ASCC3: variants seen among roughly 807,000 people sequenced by gnomAD.
ASCC3 encodes ASC-1 complex subunit P200.
ASCC3 carries 158 observed loss-of-function variants against 256.3 expected under a neutral mutation model. The observed-to-expected ratio is 0.62, with a 90% CI of 0.54 to 0.70. The LOEUF (loss-of-function observed/expected upper bound fraction) is 0.70, where lower values mean the gene tolerates loss of function less well. Among genes scored for constraint, ASCC3 ranks in the 30% least tolerant of loss-of-function variants. The pLI, the probability that ASCC3 is intolerant of heterozygous loss-of-function variation, is 0.00. For synonymous variants in ASCC3, 948 were observed against 883.4 expected, an observed-to-expected ratio of 1.07 and a Z score of -1.30; for missense variants, 2,259 against 2,626.0, an observed-to-expected ratio of 0.86 and a Z score of 3.05.
chr6:100,586,209 G>A (rs1335826000), intron 36 of ASCC3, among the ~76,000 whole-genome samples: 3 of 152,204 alleles, frequency 2.0e-5, no homozygotes, highest in Non-Finnish European at 2.9e-5. Context: ...AGGCAGGCAG[G>A]CCTCCTTGAG....
chr6:100,530,500 C>T, intron 37 of ASCC3: 3 of 789,302 alleles, frequency 3.8e-6, no homozygotes, highest in African/African-American at 3.4e-5. Flanking sequence ...GACAAAGATC[C>T]TCAAAATGAG....
At chr6:100,723,349 T>G (rs1405713185) in intron 11 of ASCC3, among the ~76,000 whole-genome samples, 1 of 151,744 alleles carries the variant, frequency 6.6e-6, no homozygotes, top group African/African-American at 2.4e-5. Context: ...TGCATCCAAA[T>G]GTGACATAGG....
intron 30 of ASCC3, among the ~76,000 whole-genome samples, chr6:100,608,146 C>CATATATATGTATATATAGATA (rs1311691741): frequency 2.4e-5 from 1 of 41,092 alleles, no homozygotes; most frequent in African/African-American, 6.9e-5. Flanking sequence ...GTATATATAT[C>CATATATATGTATATATAGATA]TATATATACA....
rs957110311 is a variant in ASCC3 at position 100,512,798 on chromosome 6, G to A, written c.6196C>T (p.Arg2066Ter). 4 of 1,614,090 alleles carry A rather than the reference G, an allele frequency of 2.5e-6. No individual in the cohort carries two copies. Among genetic ancestry groups the A allele is most frequent in the East Asian group, 2.2e-5 (1 of 44,878 alleles). Residue 2066 changes from arginine (R) to a stop codon, truncating the protein, a stop_gained, in exon 40 of 42, where the codon CGA (arginine) becomes TGA (stop). Transcript: ENST00000369162. LOFTEE classifies it high-confidence loss of function. ...LSVSTLTADK[R>*]DDNKWIKLHA... ...AATTTGATCCATTTGTTGTCATCTC[G>A]TTTGTCTGCAGTCAGAGTTGAGACA... is the stretch of plus-strand genomic sequence containing the variant.
intron 8 of ASCC3, among the ~76,000 whole-genome samples, chr6:100,783,834 C>A (rs1250536213): frequency 6.6e-6 from 1 of 151,510 alleles, no homozygotes; most frequent in Non-Finnish European, 1.5e-5. Flanking sequence ...ATTTAGCAAC[C>A]ATTTTTACTG....
chr6:100,663,909 G>A (rs1212928535), intron 14 of ASCC3, among the ~76,000 whole-genome samples: 2 of 152,036 alleles, frequency 1.3e-5, no homozygotes, highest in Non-Finnish European at 2.9e-5. Flanking sequence ...TTCATATCTT[G>A]GAAATATACC....
intron 10 of ASCC3, among the ~76,000 whole-genome samples, chr6:100,743,897 A>T (rs1342625615): frequency 2.6e-5 from 4 of 152,312 alleles, no homozygotes; most frequent in Non-Finnish European, 5.9e-5. Context: ...TGCCTGACAG[A>T]TAGGGATCAA....
intron 34 of ASCC3, among the ~76,000 whole-genome samples, chr6:100,592,203 C>T (rs1159612605): frequency 6.6e-6 from 1 of 150,860 alleles, no homozygotes; most frequent in Non-Finnish European, 1.5e-5. Context: ...TATGATGACA[C>T]CACTAAAATA....
intron 36 of ASCC3, among the ~76,000 whole-genome samples, chr6:100,548,549 T>C (rs1033181647): frequency 2.0e-5 from 3 of 151,912 alleles, no homozygotes; most frequent in Non-Finnish European, 4.4e-5. Context: ...CTTGGCACAG[T>C]CAAGCTCCCT....
chr6:100,846,633 C>T (rs1772398429), intron 4 of ASCC3, among the ~76,000 whole-genome samples: 1 of 152,158 alleles, frequency 6.6e-6, no homozygotes, highest in Non-Finnish European at 1.5e-5. Flanking sequence ...ATCTTGCATG[C>T]TTGCTGTACA....
chr6:100,608,225 T>TTATACTTTATA (rs1773087703), intron 30 of ASCC3, among the ~76,000 whole-genome samples: 2 of 24,118 alleles, frequency 8.3e-5, no homozygotes, highest in African/African-American at 4.0e-4. Context: ...TATATATACT[T>TTATACTTTATA]TATATACTTT....
intron 25 of ASCC3, among the ~76,000 whole-genome samples, chr6:100,634,800 T>C (rs751604598): frequency 6.7e-5 from 10 of 149,010 alleles, no homozygotes; most frequent in Non-Finnish European, 1.3e-4. Flanking sequence ...GCAGGAGGAT[T>C]GCTTGAGCCC....
At chr6:100,636,900 C>T (rs1027112981) in intron 25 of ASCC3, among the ~76,000 whole-genome samples, 6 of 152,120 alleles carry the variant, frequency 3.9e-5, no homozygotes, top group African/African-American at 1.4e-4. Context: ...AAGTTTGAAG[C>T]TTGTTTCACA....
chr6:100,795,590 C>T (rs192191916), intron 8 of ASCC3, among the ~76,000 whole-genome samples: 1 of 152,084 alleles, frequency 6.6e-6, no homozygotes. Context: ...TCAAGAGATG[C>T]ATCTACATTT....
rs1562297097 is a variant in ASCC3, at chr6:100,788,440, A to G, written c.1395+10273T>C. Among the ~76,000 whole-genome samples, 3 of 152,184 alleles carry G rather than the reference A, an allele frequency of 2.0e-5. No homozygotes were observed. In the East Asian group the frequency reaches 5.8e-4, roughly 29 times the overall value. ...TTACAAAGATAAGTACATATTTACT[A>G]TATAATGTAGCAATTCCATTCCTAT... On this transcript the variant is annotated intron_variant, in intron 8 of 41. Transcript: ENST00000369162.
chr6:100,632,951 T>C (rs915734027), intron 25 of ASCC3, among the ~76,000 whole-genome samples: 11 of 151,752 alleles, frequency 7.2e-5, no homozygotes, highest in Non-Finnish European at 1.2e-4. Flanking sequence ...AATAAACAAA[T>C]AGGTGTACAA....
intron 36 of ASCC3, among the ~76,000 whole-genome samples, chr6:100,586,936 A>G (rs1258337596): frequency 6.6e-6 from 1 of 152,230 alleles, no homozygotes; most frequent in Non-Finnish European, 1.5e-5. Flanking sequence ...TAATGTTATC[A>G]GAAATACTAA....
Position 100,725,742 on chromosome 6 carries a change from T to C in ASCC3, c.1738-39A>G, listed in dbSNP as rs758925766. 7 of 1,606,420 alleles carry C rather than the reference T, an allele frequency of 4.4e-6. No homozygotes were observed. In the Admixed American group the frequency reaches 5.0e-5, roughly 12 times the overall value. On this transcript the variant is annotated intron_variant, in intron 10 of 41. Coordinates refer to ENST00000369162, the MANE Select transcript of ASCC3 (RefSeq NM_006828.4). ...CACATTTTAAAAGGGGAAAGTTACA[T>C]AGGTTATTTAACATTGAACTGTGAT...
At chr6:100,628,130 C>T in intron 27 of ASCC3, 143 bp from the exon 28 acceptor site, 1 of 904,502 alleles carries the variant, frequency 1.1e-6, no homozygotes, top group Non-Finnish European at 1.7e-6. Flanking sequence ...CTAGAACTAC[C>T]AAAGGATTCT....
Sources: gnomAD v4.1 joint callset for allele counts (sites outside exome capture counted in the v4.1 genomes callset) on GRCh38, gnomAD v4.1.1 for gene constraint, MANE v1.5 for transcripts, NCBI Gene and HGNC (gene_info 2026-07-23, HGNC 2026-07-21) for gene names.